The following NKAIN3 variants were observed in gnomAD, a reference collection of about 807,000 sequenced individuals.
The protein encoded by NKAIN3 is sodium/potassium transporting ATPase interacting 3, also known as sodium/potassium-transporting ATPase subunit beta-1-interacting protein 3.
NKAIN3 carries 25 observed loss-of-function variants against 30.2 expected under a neutral mutation model. That is an observed-to-expected ratio of 0.83 (90% CI 0.60 to 1.16). The LOEUF is 1.16. Ranked by LOEUF, NKAIN3 falls within the 50% of genes most tolerant of loss-of-function variation. The probability of loss-of-function intolerance (pLI) is 0.00; values close to 1 mark genes in which losing one functional copy is unlikely to be tolerated. For synonymous variants in NKAIN3, 91 were observed against 89.6 expected (o/e 1.02, Z -0.09); for missense variants, 225 against 254.1 (o/e 0.89, Z 0.78).
At chr8:62,883,457 G>GTTGTTGTTTTTTTTT in intron 4 of NKAIN3, among the ~76,000 whole-genome samples, 2,938 of 69,874 alleles carry the variant, frequency 0.042, 373 homozygotes, top group East Asian at 0.13. Context: ...AGTTTTATGG[G>GTTGTTGTTTTTTTTT]TTTTTTTTTT....
At chr8:62,752,537 T>G (rs538947644) in intron 4 of NKAIN3, among the ~76,000 whole-genome samples, 1 of 152,354 alleles carries the variant, frequency 6.6e-6, no homozygotes, top group East Asian at 1.9e-4. Context: ...CCCAGAATTC[T>G]TTCCTACCTG....
chr8:62,285,569 G>T (rs2129398278), intron 1 of NKAIN3, among the ~76,000 whole-genome samples: 1 of 152,194 alleles, frequency 6.6e-6, no homozygotes, highest in East Asian at 1.9e-4. Flanking sequence ...TCCCAGTGGG[G>T]CTCTGAGTTA....
At chr8:62,366,922 G>C (rs10107474) in intron 1 of NKAIN3, among the ~76,000 whole-genome samples, 1 of 152,048 alleles carries the variant, frequency 6.6e-6, no homozygotes, top group Non-Finnish European at 1.5e-5. Flanking sequence ...GATATTTTTT[G>C]ATTTTTCTTT....
intron 1 of NKAIN3, among the ~76,000 whole-genome samples, chr8:62,418,196 A>T (rs1804513080): frequency 6.6e-6 from 1 of 152,142 alleles, no homozygotes; most frequent in African/African-American, 2.4e-5. Flanking sequence ...AGTGGGGAGT[A>T]AAGGGTACCT....
chr8:62,375,113 T>C (rs1025566069), intron 1 of NKAIN3, among the ~76,000 whole-genome samples: 1 of 152,226 alleles, frequency 6.6e-6, no homozygotes, highest in African/African-American at 2.4e-5. Flanking sequence ...GAATTCAAAG[T>C]CAACCTTACA....
chr8:62,556,746 G>C (rs749841233), intron 1 of NKAIN3, among the ~76,000 whole-genome samples: 1 of 151,684 alleles, frequency 6.6e-6, no homozygotes, highest in Admixed American at 6.6e-5. Flanking sequence ...TAGCCATTTT[G>C]AACTTATATT....
chr8:62,393,537 C>A (rs1817637848), intron 1 of NKAIN3, among the ~76,000 whole-genome samples: 1 of 151,740 alleles, frequency 6.6e-6, no homozygotes, highest in Non-Finnish European at 1.5e-5. Context: ...TAATTTGATT[C>A]ATCTGATTTT....
intron 3 of NKAIN3, among the ~76,000 whole-genome samples, chr8:62,624,784 CTT>C (rs776546497): frequency 9.5e-5 from 13 of 136,570 alleles, no homozygotes; most frequent in African/African-American, 2.1e-4. Context: ...GAACATTCTG[CTT>C]TTTTTTTTTT....
intron 1 of NKAIN3, among the ~76,000 whole-genome samples, chr8:62,457,850 C>T (rs1805866143): frequency 6.6e-6 from 1 of 152,072 alleles, no homozygotes; most frequent in African/African-American, 2.4e-5. Context: ...TCTGCTTGTA[C>T]TTAATTTTTA....
chr8:62,842,357 T>A (rs1286649829), intron 4 of NKAIN3, among the ~76,000 whole-genome samples: 1 of 152,004 alleles, frequency 6.6e-6, no homozygotes, highest in Non-Finnish European at 1.5e-5. Context: ...TGAATGAAAT[T>A]GAAGAAAACA....
At chr8:62,964,096 A>C (rs1315007370) in intron 6 of NKAIN3, among the ~76,000 whole-genome samples, 1 of 152,196 alleles carries the variant, frequency 6.6e-6, no homozygotes, top group Non-Finnish European at 1.5e-5. Flanking sequence ...TGGGTAAAGT[A>C]ATTAATCATG....
At chr8:62,529,327 C>G (rs770533241) in intron 1 of NKAIN3, among the ~76,000 whole-genome samples, 5 of 152,216 alleles carry the variant, frequency 3.3e-5, no homozygotes, top group Non-Finnish European at 7.3e-5. Context: ...ATCTCACTGA[C>G]ACATTGCTCC....
intron 1 of NKAIN3, among the ~76,000 whole-genome samples, chr8:62,571,631 A>T (rs1054570173): frequency 6.6e-6 from 1 of 152,038 alleles, no homozygotes; most frequent in African/African-American, 2.4e-5. Context: ...GGGCCCCGCC[A>T]CTGCAGCAAT....
intron 1 of NKAIN3, among the ~76,000 whole-genome samples, chr8:62,300,418 T>C (rs1169219580): frequency 6.6e-6 from 1 of 152,060 alleles, no homozygotes; most frequent in Non-Finnish European, 1.5e-5. Flanking sequence ...TCATAATGAG[T>C]TTATCTACTC....
At chr8:62,422,414 GTAAA>G (rs1404055874) in intron 1 of NKAIN3, among the ~76,000 whole-genome samples, 1 of 152,148 alleles carries the variant, frequency 6.6e-6, no homozygotes, top group African/African-American at 2.4e-5. Flanking sequence ...GCTATGCCAT[GTAAA>G]TAGTCTCTAA....
At chr8:62,319,150 G>T (rs556549002) in intron 1 of NKAIN3, among the ~76,000 whole-genome samples, 2 of 152,246 alleles carry the variant, frequency 1.3e-5, no homozygotes, top group African/African-American at 4.8e-5. Context: ...TCTGATGGTA[G>T]TTTCTATTTC....
chr8:62,828,895 G>A (rs986148736), intron 4 of NKAIN3, among the ~76,000 whole-genome samples: 5 of 152,268 alleles, frequency 3.3e-5, no homozygotes, highest in Non-Finnish European at 5.9e-5. Context: ...GTGAGTGAGT[G>A]AGGCTGTTGG....
chr8:62,932,265 A>G (rs1417425537), intron 5 of NKAIN3, among the ~76,000 whole-genome samples: 2 of 152,352 alleles, frequency 1.3e-5, no homozygotes, highest in East Asian at 3.9e-4. Context: ...GAGTTAGGCC[A>G]TGCCACAAGG....
rs146286673 is a variant in NKAIN3, at chr8:62,960,723, C to T, written c.604-4631C>T. Reference sequence around the variant, plus strand: ...AATATACAGGAAAGATTACACAATACGCAGGAAAAAAGCACACACACACAC... The same window carrying T: ...AATATACAGGAAAGATTACACAATATGCAGGAAAAAAGCACACACACACAC... On this transcript the variant is annotated intron_variant, in intron 6 of 6. Coordinates refer to ENST00000623646, the MANE Select transcript of NKAIN3 (RefSeq NM_001304533.3). Among the ~76,000 whole-genome samples, 184 of 105,630 alleles carry T rather than the reference C, an allele frequency of 1.7e-3. 1 individual carries two copies. The highest frequency in any genetic ancestry group is 3.4e-3 in the African/African-American group (77 of 22,824). The allele number at this position is 105,630 out of a possible 152,430, so 69.3% of individuals were successfully genotyped here. A position where few individuals can be genotyped will look rare whatever the true frequency, so the allele number is the denominator to read the frequency against.
Sources: gnomAD v4.1 joint callset for allele counts (sites outside exome capture counted in the v4.1 genomes callset) on GRCh38, gnomAD v4.1.1 for gene constraint, MANE v1.5 for transcripts, NCBI Gene and HGNC (gene_info 2026-07-23, HGNC 2026-07-21) for gene names.